SOX6: variants seen among roughly 807,000 people sequenced by gnomAD.
SOX6 encodes transcription factor SOX-6.
In SOX6, 11 loss-of-function variants were observed where a neutral mutation model predicts 97.8. The observed-to-expected ratio is 0.11, with a 90% CI of 0.07 to 0.19. SOX6 has a LOEUF of 0.19. Among genes scored for constraint, SOX6 ranks in the 10% least tolerant of loss-of-function variants. The pLI is 1.00. For synonymous variants in SOX6, 360 were observed against 371.4 expected (o/e 0.97, Z 0.35); for missense variants, 810 against 1,039.5 (o/e 0.78, Z 3.04).
intron 6 of SOX6, among the ~76,000 whole-genome samples, chr11:16,141,940 G>A (rs931170185): frequency 2.5e-4 from 38 of 152,238 alleles, no homozygotes; most frequent in African/African-American, 8.9e-4. Flanking sequence ...GGGCAGAGCT[G>A]AACAAAAGGC....
At chr11:16,620,825 G>A (rs914343137) in intron 3 of SOX6, among the ~76,000 whole-genome samples, 2 of 152,046 alleles carry the variant, frequency 1.3e-5, no homozygotes, top group Non-Finnish European at 2.9e-5. Flanking sequence ...TACAGGGCCT[G>A]CTCTTTTTTA....
intron 3 of SOX6, among the ~76,000 whole-genome samples, chr11:16,704,885 T>A (rs528617043): frequency 5.9e-5 from 9 of 152,312 alleles, no homozygotes; most frequent in Admixed American, 5.9e-4. Flanking sequence ...GTGAGAATAT[T>A]CAAATACACT....
intron 1 of SOX6, among the ~76,000 whole-genome samples, chr11:16,364,504 T>A (rs1218610051): frequency 6.6e-6 from 1 of 152,108 alleles, no homozygotes; most frequent in South Asian, 2.1e-4. Flanking sequence ...ACAAGACTGT[T>A]CTGGTTCTGT....
intron 3 of SOX6, among the ~76,000 whole-genome samples, chr11:16,263,729 T>C (rs1853974040): frequency 7.2e-6 from 1 of 139,122 alleles, no homozygotes; most frequent in African/African-American, 2.6e-5. Flanking sequence ...GCATTTTGCA[T>C]ATAAAAACTC....
At chr11:16,562,309 C>T (rs1847824771) in intron 4 of SOX6, among the ~76,000 whole-genome samples, 1 of 152,054 alleles carries the variant, frequency 6.6e-6, no homozygotes, top group African/African-American at 2.4e-5. Flanking sequence ...CAAGGAATGA[C>T]ACTGGTGAAT....
chr11:16,027,224 TAGTATAATTATTCAAAGAGGGAAA>T (rs1855238716), intron 12 of SOX6, among the ~76,000 whole-genome samples: 1 of 152,186 alleles, frequency 6.6e-6, no homozygotes, highest in Non-Finnish European at 1.5e-5. Context: ...TTGCAGGAAT[TAGTATAATTATTCAAAGAGGGAAA>T]AACTAAGATA....
chr11:16,151,797 A>C (rs757657092), intron 6 of SOX6, among the ~76,000 whole-genome samples: 3 of 152,194 alleles, frequency 2.0e-5, no homozygotes, highest in African/African-American at 4.8e-5. Flanking sequence ...ACAGTGAGGA[A>C]ACCACCTCTA....
chr11:16,596,894 T>C (rs1038931431), intron 4 of SOX6, among the ~76,000 whole-genome samples: 5 of 152,126 alleles, frequency 3.3e-5, no homozygotes, highest in African/African-American at 1.2e-4. Flanking sequence ...TTCTTTTACA[T>C]TGGTGTACGG....
intron 1 of SOX6, among the ~76,000 whole-genome samples, chr11:16,418,934 A>C (rs1465117223): frequency 6.6e-6 from 1 of 152,156 alleles, no homozygotes; most frequent in East Asian, 1.9e-4. Context: ...TTCTCTGAAC[A>C]GTAGAGGCAG....
At chr11:16,674,885 A>G (rs183081153) in intron 3 of SOX6, among the ~76,000 whole-genome samples, 2 of 152,322 alleles carry the variant, frequency 1.3e-5, no homozygotes, top group East Asian at 3.9e-4. Flanking sequence ...TAGGAGGCAG[A>G]GGAAGGTTGC....
chr11:16,700,608 G>A (rs1471338007), intron 3 of SOX6, among the ~76,000 whole-genome samples: 4 of 152,146 alleles, frequency 2.6e-5, no homozygotes, highest in Non-Finnish European at 5.9e-5. Flanking sequence ...AGACCAGTGA[G>A]AAGAAAGAAA....
intron 9 of SOX6, among the ~76,000 whole-genome samples, chr11:16,079,942 G>A (rs1428841129): frequency 6.6e-6 from 1 of 151,692 alleles, no homozygotes; most frequent in Non-Finnish European, 1.5e-5. Flanking sequence ...TATATAATAA[G>A]CATACAATGT....
At position 16,574,370 on chromosome 11, in the gene SOX6, C is replaced by A. The variant is rs576590124; in HGVS notation, n.609+37711G>T. ...GGCATTTGACATAAGACAAAGGTAA[C>A]CCTGTAGAGCAGTCAAGAAAAGAGA... On this transcript the variant is annotated intron_variant and non_coding_transcript_variant, in intron 4 of 5. Transcript: ENST00000524520. 1.8e-4 allele frequency among the ~76,000 whole-genome samples: 27 copies of A among 152,116 alleles called. 2 individuals are homozygous for A. In the East Asian group the frequency reaches 4.6e-3, roughly 26 times the overall value.
At chr11:15,982,887 T>C (rs1853708738) in intron 15 of SOX6, among the ~76,000 whole-genome samples, 2 of 151,994 alleles carry the variant, frequency 1.3e-5, no homozygotes, top group Admixed American at 1.3e-4. Context: ...TTCAAATAAA[T>C]GGAAGTATAT....
At chr11:16,026,374 C>T (rs374366890) in intron 12 of SOX6, among the ~76,000 whole-genome samples, 7 of 152,232 alleles carry the variant, frequency 4.6e-5, no homozygotes, top group African/African-American at 1.7e-4. Context: ...TTCTGAAGTT[C>T]CGTGGCCACC....
At chr11:16,707,510 T>C (rs1376762606) in intron 3 of SOX6, among the ~76,000 whole-genome samples, 1 of 152,198 alleles carries the variant, frequency 6.6e-6, no homozygotes, top group Non-Finnish European at 1.5e-5. Flanking sequence ...TTTCTTATAA[T>C]GATTTATTGA....
intron 3 of SOX6, among the ~76,000 whole-genome samples, chr11:16,292,035 C>T (rs1372120970): frequency 2.6e-5 from 4 of 152,026 alleles, no homozygotes; most frequent in African/African-American, 9.7e-5. Flanking sequence ...GGCAGATCAT[C>T]TGGAATACAA....
At chr11:16,681,756 A>C (rs1023628055) in intron 3 of SOX6, among the ~76,000 whole-genome samples, 3 of 152,138 alleles carry the variant, frequency 2.0e-5, no homozygotes, top group Non-Finnish European at 4.4e-5. Flanking sequence ...TCAAATAGAG[A>C]CAATAAAAAA....
At chr11:16,064,529 T>G (rs1315964242) in intron 9 of SOX6, among the ~76,000 whole-genome samples, 2 of 150,298 alleles carry the variant, frequency 1.3e-5, no homozygotes, top group African/African-American at 5.0e-5. Flanking sequence ...CATATATATA[T>G]ATATATGAAG....
Sources: allele counts gnomAD v4.1 joint callset (sites outside exome capture counted in the v4.1 genomes callset), GRCh38; gene constraint gnomAD v4.1.1; transcripts MANE v1.5; gene names NCBI Gene and HGNC (gene_info 2026-07-23, HGNC 2026-07-21).